The following RMDN2 variants were observed in gnomAD, a reference collection of about 807,000 sequenced individuals.
The protein encoded by RMDN2 is regulator of microtubule dynamics 2.
Under a neutral mutation model 52.8 loss-of-function variants are expected in RMDN2, and 61 were observed. That is an observed-to-expected ratio of 1.16 (90% CI 0.94 to 1.43). The LOEUF (loss-of-function observed/expected upper bound fraction) is 1.43, where lower values mean the gene tolerates loss of function less well. RMDN2 is among the 40% of genes most tolerant of loss of function. RMDN2 has a pLI of 0.00. For missense variants in RMDN2, 592 were observed against 475.3 expected, an observed-to-expected ratio of 1.25 and a Z score of -2.28; for synonymous variants, 180 against 153.1, an observed-to-expected ratio of 1.18 and a Z score of -1.30.
intron 2 of RMDN2, chr2:37,950,625 G>C (rs758025524): frequency 2.5e-6 from 4 of 1,607,732 alleles, no homozygotes; most frequent in Non-Finnish European, 3.4e-6. Flanking sequence ...TTCAACATGT[G>C]CTAAAAGAAC....
At chr2:38,030,310 T>A (rs1010095595) in intron 10 of RMDN2, 1 of 152,244 alleles carries the variant, frequency 6.6e-6, no homozygotes, top group Non-Finnish European at 1.5e-5. Context: ...ATTGTATCAT[T>A]TCTCTGACCC....
intron 10 of RMDN2, among the ~76,000 whole-genome samples, chr2:38,009,214 T>C (rs1333544496): frequency 6.6e-6 from 1 of 152,216 alleles, no homozygotes; most frequent in Non-Finnish European, 1.5e-5. Flanking sequence ...AGTATCTTTT[T>C]GGCGTTCTCT....
chr2:37,993,621 G>T (rs751930457), intron 7 of RMDN2, among the ~76,000 whole-genome samples: 2 of 152,022 alleles, frequency 1.3e-5, no homozygotes, highest in Non-Finnish European at 2.9e-5. Context: ...CCTGATAGTC[G>T]GAGGCATTTA....
chr2:38,063,207 C>T (rs543032742), intron 10 of RMDN2, among the ~76,000 whole-genome samples: 1,807 of 152,234 alleles, frequency 0.012, 20 homozygotes, highest in Middle Eastern at 0.02. Context: ...ACTTCTACAA[C>T]GGTTGAACTA....
chr2:38,009,748 G>A (rs1168887271), intron 10 of RMDN2, among the ~76,000 whole-genome samples: 2 of 152,134 alleles, frequency 1.3e-5, no homozygotes, highest in Non-Finnish European at 2.9e-5. Context: ...TTCCGTTGCT[G>A]GTGAGGAGCT....
At chr2:38,012,506 C>G (rs1335106640) in intron 10 of RMDN2, 4 of 422,838 alleles carry the variant, frequency 9.5e-6, no homozygotes, top group African/African-American at 2.1e-5. Flanking sequence ...ATAAAGAGGA[C>G]TCCTAATGAA....
upstream of RMDN2, among the ~76,000 whole-genome samples, chr2:37,923,524 G>T (rs1291127873): frequency 6.6e-6 from 1 of 152,192 alleles, no homozygotes; most frequent in Non-Finnish European, 1.5e-5. Context: ...TTAGCGAAGA[G>T]ACAGTCATGT....
chr2:37,954,444 G>T (rs1038266500), intron 2 of RMDN2, among the ~76,000 whole-genome samples: 2 of 152,000 alleles, frequency 1.3e-5, no homozygotes, highest in Non-Finnish European at 2.9e-5. Context: ...AACACCATTT[G>T]TTGAAGAGAT....
intron 6 of RMDN2, among the ~76,000 whole-genome samples, chr2:37,989,865 C>A (rs570407966): frequency 1.3e-5 from 2 of 152,034 alleles, no homozygotes; most frequent in Non-Finnish European, 1.5e-5. Flanking sequence ...ATTAGTTGGC[C>A]GGGCACAGAG....
At chr2:38,062,024 C>A (rs1682073045) in intron 10 of RMDN2, among the ~76,000 whole-genome samples, 1 of 152,208 alleles carries the variant, frequency 6.6e-6, no homozygotes, top group Non-Finnish European at 1.5e-5. Context: ...TCCTTGTCTG[C>A]CAGCAGCTGC....
chr2:38,008,964 A>G (rs1283085401), intron 10 of RMDN2, among the ~76,000 whole-genome samples: 1 of 152,118 alleles, frequency 6.6e-6, no homozygotes, highest in Non-Finnish European at 1.5e-5. Context: ...TCACTTATGA[A>G]GCTTAGTTTG....
At chr2:37,959,952 A>C (rs976064690) in intron 2 of RMDN2, among the ~76,000 whole-genome samples, 1 of 143,770 alleles carries the variant, frequency 7.0e-6, no homozygotes, top group Non-Finnish European at 1.5e-5. Context: ...GTAGTTGTGC[A>C]GTTTTGAGTG....
intron 2 of RMDN2, among the ~76,000 whole-genome samples, chr2:37,946,835 G>A (rs564952196): frequency 6.6e-6 from 1 of 152,188 alleles, no homozygotes; most frequent in South Asian, 2.1e-4. Context: ...CTGAGGATGT[G>A]GAGAGTATAG....
At chr2:38,001,880 A>C (rs116601175) in intron 8 of RMDN2, among the ~76,000 whole-genome samples, 1,650 of 152,326 alleles carry the variant, frequency 0.011, 27 homozygotes, top group African/African-American at 0.037. Context: ...AAGAGAGAAG[A>C]AGCAGAAGAA....
Position 38,017,585 on chromosome 2 carries a change from A to G in RMDN2, c.*346A>G, listed in dbSNP as rs529043073. 18 of 1,228,582 alleles carry G rather than the reference A, an allele frequency of 1.5e-5. No individual in the cohort carries two copies. In the East Asian group the frequency reaches 7.5e-4, roughly 51 times the overall value. The allele number at this position is 1,228,582 out of a possible 1,614,324, so 76.1% of individuals were successfully genotyped here. A position where few individuals can be genotyped will look rare whatever the true frequency, so the allele number is the denominator to read the frequency against. ...TTTATTGTTTCAATGGAGACTTCGT[A>G]AGACAAAATAATTTCATTAATGTGG... On this transcript the variant is annotated 3_prime_UTR_variant, in exon 11 of 11. Coordinates refer to ENST00000354545, the MANE Select transcript of RMDN2 (RefSeq NM_001170791.3).
intron 2 of RMDN2, among the ~76,000 whole-genome samples, chr2:37,956,825 C>A (rs994688941): frequency 6.6e-6 from 1 of 151,756 alleles, no homozygotes; most frequent in Non-Finnish European, 1.5e-5. Context: ...CCCCCAACAG[C>A]CCACAGTGTG....
chr2:38,032,308 T>C (rs1452280240), intron 10 of RMDN2, among the ~76,000 whole-genome samples: 3 of 152,186 alleles, frequency 2.0e-5, no homozygotes, highest in African/African-American at 7.2e-5. Context: ...TCTGTCACTA[T>C]AGATTAATTT....
intron 2 of RMDN2, among the ~76,000 whole-genome samples, chr2:37,942,385 C>T (rs1343544054): frequency 6.6e-6 from 1 of 151,928 alleles, no homozygotes; most frequent in Non-Finnish European, 1.5e-5. Flanking sequence ...TTCTTATAAA[C>T]AATGCTTTAT....
chr2:38,017,410 T>C lies in RMDN2; in HGVS notation c.*171T>C. On this transcript the variant is annotated 3_prime_UTR_variant, in exon 11 of 11. Coordinates refer to ENST00000354545, the MANE Select transcript of RMDN2 (RefSeq NM_001170791.3). ...CCACTAGTAGCACTACAAAATTAATTATGTTATTTGGAGAATCTATATACT... is the reference window on the plus strand; with the variant it reads ...CCACTAGTAGCACTACAAAATTAATCATGTTATTTGGAGAATCTATATACT... 3.0e-6 allele frequency: 4 copies of C among 1,327,846 alleles called. No individual in the cohort carries two copies. Among genetic ancestry groups the C allele is most frequent in the Non-Finnish European group, 3.9e-6 (4 of 1,018,866 alleles). The allele number at this position is 1,327,846 out of a possible 1,614,324, so 82.3% of individuals were successfully genotyped here. A position where few individuals can be genotyped will look rare whatever the true frequency, so the allele number is the denominator to read the frequency against.
Sources: allele counts gnomAD v4.1 joint callset (sites outside exome capture counted in the v4.1 genomes callset), GRCh38; gene constraint gnomAD v4.1.1; transcripts MANE v1.5; gene names NCBI Gene and HGNC (gene_info 2026-07-23, HGNC 2026-07-21).